Variants in RASSF3 observed in about 807,000 individuals in gnomAD.
RASSF3 encodes Ras association domain family member 3.
In RASSF3, 19 loss-of-function variants were observed where a neutral mutation model predicts 19.9. The ratio of observed to expected loss-of-function variants is 0.96; its 90% CI spans 0.67 to 1.40. The LOEUF (loss-of-function observed/expected upper bound fraction) is 1.40. RASSF3 is among the 40% of genes most tolerant of loss of function. The pLI, the probability that RASSF3 is intolerant of heterozygous loss-of-function variation, is 0.00. For synonymous variants in RASSF3, 110 were observed against 104.2 expected, an observed-to-expected ratio of 1.06 and a Z score of -0.34; for missense variants, 306 against 289.8, an observed-to-expected ratio of 1.06 and a Z score of -0.41.
intron 2 of RASSF3, chr12:64,599,006 T>C (rs369773210): frequency 7.9e-5 from 12 of 151,628 alleles, no homozygotes; most frequent in Admixed American, 6.6e-4. Flanking sequence ...CAGTCCTTAT[T>C]TAGCCACATT....
chr12:64,621,022 G>A (rs12313678), intron 1 of RASSF3, among the ~76,000 whole-genome samples: 7 of 152,012 alleles, frequency 4.6e-5, no homozygotes, highest in East Asian at 1.9e-4. Flanking sequence ...TGCAACCTCC[G>A]CCTCCCAGGT....
chr12:64,615,486 C>G (rs991707246), intron 1 of RASSF3, among the ~76,000 whole-genome samples: 44 of 152,124 alleles, frequency 2.9e-4, no homozygotes, highest in Non-Finnish European at 1.0e-4. Context: ...CTCAACTTCA[C>G]CCTTTCGGTT....
In RASSF3 at chr12:64,661,130, C is replaced by T. The variant is rs974667736; in HGVS notation, c.112-23657C>T. On this transcript the variant is annotated intron_variant, in intron 1 of 4. Transcript: ENST00000542104. Reference sequence around the variant, plus strand: ...GCCTCACTCAAATGGTAGCCGTAGCCGTGAGTAAGTTAAACTCGGCTTGCT... The same window carrying T: ...GCCTCACTCAAATGGTAGCCGTAGCTGTGAGTAAGTTAAACTCGGCTTGCT... Among the ~76,000 whole-genome samples the T allele has an allele frequency of 3.3e-5, 5 of 152,036 alleles. No homozygotes were observed. In the East Asian group the frequency reaches 7.7e-4, roughly 23 times the overall value.
At chr12:64,511,103 T>C (rs1341860714) in intron 1 of RASSF3, among the ~76,000 whole-genome samples, 1 of 152,220 alleles carries the variant, frequency 6.6e-6, no homozygotes, top group African/African-American at 2.4e-5. Flanking sequence ...ATAATAAAAG[T>C]GGCAGCAGAG....
intron 1 of RASSF3, among the ~76,000 whole-genome samples, chr12:64,659,141 A>G (rs1021083514): frequency 1.3e-5 from 2 of 152,138 alleles, no homozygotes; most frequent in African/African-American, 2.4e-5. Context: ...TCAAACATAC[A>G]CATTCCATGG....
chr12:64,615,424 G>A (rs1198525922), intron 1 of RASSF3, among the ~76,000 whole-genome samples: 5 of 152,130 alleles, frequency 3.3e-5, no homozygotes, highest in Non-Finnish European at 7.4e-5. Flanking sequence ...AAAAAATTGC[G>A]CTGAAGAATT....
intron 1 of RASSF3, among the ~76,000 whole-genome samples, chr12:64,523,241 A>G (rs1408870400): frequency 6.6e-6 from 1 of 151,994 alleles, no homozygotes; most frequent in Non-Finnish European, 1.5e-5. Flanking sequence ...CCCCATCTCT[A>G]TGAAAAATAC....
At chr12:64,688,513 T>G (rs1392967059) in intron 3 of RASSF3, 60 bp downstream of exon 3, 5 of 1,197,094 alleles carry the variant, frequency 4.2e-6, no homozygotes, top group Admixed American at 1.7e-5. Context: ...GCTGTTCTCA[T>G]TAGCAGAGGG....
chr12:64,510,787 C>T (rs933768510), intron 1 of RASSF3, among the ~76,000 whole-genome samples: 11 of 152,106 alleles, frequency 7.2e-5, no homozygotes, highest in African/African-American at 2.7e-4. Context: ...CATTCCATGG[C>T]CTGGAGCCAT....
At chr12:64,575,475 G>T (rs1018918773) in intron 2 of RASSF3, among the ~76,000 whole-genome samples, 2 of 152,080 alleles carry the variant, frequency 1.3e-5, no homozygotes, top group African/African-American at 4.8e-5. Context: ...ATCACTTAAC[G>T]CCAGGAGTTC....
At chr12:64,548,218 C>G (rs930515897) in intron 2 of RASSF3, among the ~76,000 whole-genome samples, 1 of 152,098 alleles carries the variant, frequency 6.6e-6, no homozygotes, top group African/African-American at 2.4e-5. Flanking sequence ...CTCACTCTGT[C>G]GCCCAGGCTG....
At chr12:64,644,284 C>G (rs561378527) in intron 1 of RASSF3, among the ~76,000 whole-genome samples, 2 of 152,218 alleles carry the variant, frequency 1.3e-5, no homozygotes, top group Non-Finnish European at 2.9e-5. Context: ...ACCTGAGGAG[C>G]TCAGGAAGAG....
intron 3 of RASSF3, among the ~76,000 whole-genome samples, chr12:64,689,220 G>GGTATGTGTGT (rs1555217046): frequency 6.8e-6 from 1 of 147,444 alleles, no homozygotes; most frequent in Non-Finnish European, 1.5e-5. Flanking sequence ...TTGAAATCGG[G>GGTATGTGTGT]GTGTGTGTGT....
intron 1 of RASSF3, among the ~76,000 whole-genome samples, chr12:64,524,142 C>T (rs1225752919): frequency 6.6e-6 from 1 of 151,114 alleles, no homozygotes; most frequent in Non-Finnish European, 1.5e-5. Context: ...GCCTCCTCTT[C>T]CTGGGTTCAA....
intron 1 of RASSF3, among the ~76,000 whole-genome samples, chr12:64,623,757 C>T (rs1416423819): frequency 6.6e-6 from 1 of 150,616 alleles, no homozygotes; most frequent in African/African-American, 2.5e-5. Flanking sequence ...ATTCTCATGC[C>T]TCAGCTTCCC....
At chr12:64,516,618 C>CAAAAAAAAAAAAAAAAAAAAAAAAAA (rs200931603) in intron 1 of RASSF3, among the ~76,000 whole-genome samples, 1 of 109,126 alleles carries the variant, frequency 9.2e-6, no homozygotes, top group African/African-American at 3.3e-5. Context: ...GACTCCGTCT[C>CAAAAAAAAAAAAAAAAAAAAAAAAAA]AAAAAAAAAA....
intron 3 of RASSF3, among the ~76,000 whole-genome samples, chr12:64,691,085 C>T (rs1302405400): frequency 1.3e-5 from 2 of 152,002 alleles, no homozygotes; most frequent in Non-Finnish European, 2.9e-5. Flanking sequence ...TGGTCTCAAA[C>T]TGCTGGCCTC....
intron 1 of RASSF3, among the ~76,000 whole-genome samples, chr12:64,630,920 G>T (rs1302449685): frequency 6.6e-6 from 1 of 152,138 alleles, no homozygotes; most frequent in African/African-American, 2.4e-5. Context: ...CATACACCAG[G>T]CAGTCAATAA....
At chr12:64,618,151 T>C (rs1870616925) in intron 1 of RASSF3, among the ~76,000 whole-genome samples, 2 of 152,272 alleles carry the variant, frequency 1.3e-5, no homozygotes, top group South Asian at 2.1e-4. Flanking sequence ...TTGCCCAAGC[T>C]AAAATGCAAT....
Sources: gnomAD v4.1 joint callset for allele counts (sites outside exome capture counted in the v4.1 genomes callset) on GRCh38, gnomAD v4.1.1 for gene constraint, MANE v1.5 for transcripts, NCBI Gene and HGNC (gene_info 2026-07-23, HGNC 2026-07-21) for gene names.